SH3BP4: variants seen among roughly 807,000 people sequenced by gnomAD.
SH3BP4 encodes the protein SH3 domain-binding protein 4.
Under a neutral mutation model 65.5 loss-of-function variants are expected in SH3BP4, and 33 were observed. The ratio of observed to expected loss-of-function variants is 0.50; its 90% CI spans 0.38 to 0.67. SH3BP4 has a LOEUF of 0.67. SH3BP4 is among the 30% of genes least tolerant of loss of function. The probability of loss-of-function intolerance (pLI) is 0.00; values close to 1 mark genes in which losing one functional copy is unlikely to be tolerated. For missense variants in SH3BP4, 1,134 were observed against 1,261.4 expected, an observed-to-expected ratio of 0.90 and a Z score of 1.53; for synonymous variants, 552 against 545.5, an observed-to-expected ratio of 1.01 and a Z score of -0.17.
chr2:234,992,216 T>G lies in SH3BP4; in HGVS notation c.-206-3087T>G, dbSNP rs1164324636. ...TTGGGGCGAGGTGGCATCTGGAGTT[T>G]CCAGCGAAGATTTATTTTGTGCCTT... is the stretch of plus-strand genomic sequence containing the variant. On this transcript the variant is annotated intron_variant, in intron 1 of 5. Transcript: ENST00000392011. Among the ~76,000 whole-genome samples the G allele has an allele frequency of 3.9e-5, 6 of 152,236 alleles. No individual in the cohort carries two copies. The East Asian group carries it at 9.6e-4, about 24-fold the overall frequency.
rs1378269815 is a variant in SH3BP4, at chr2:235,003,483, T to C, written c.-133+8107T>C. ...TCATTCGAAGGATAGAGTGTCTGTTTACTGTTTTATCTGCTGAGAAGCAGA... is the reference window on the plus strand; with the variant it reads ...TCATTCGAAGGATAGAGTGTCTGTTCACTGTTTTATCTGCTGAGAAGCAGA... On this transcript the variant is annotated intron_variant, in intron 2 of 5. Transcript: ENST00000392011. Among the ~76,000 whole-genome samples the C allele has an allele frequency of 4.6e-5, 7 of 152,250 alleles. 1 individual carries two copies. Among genetic ancestry groups the C allele is most frequent in the African/African-American group, 7.2e-5 (3 of 41,464 alleles).
chr2:235,044,237 C>T (rs1465554981), intron 4 of SH3BP4, among the ~76,000 whole-genome samples: 2 of 152,202 alleles, frequency 1.3e-5, no homozygotes, highest in South Asian at 2.1e-4. Flanking sequence ...CCAGCACAAC[C>T]GTGAACTGGA....
rs1489247241 is a variant in SH3BP4, at chr2:235,048,497, A to T, written c.2479-4065A>T. 1.2e-4 allele frequency among the ~76,000 whole-genome samples: 17 copies of T among 142,552 alleles called. 1 individual carries two copies. In the South Asian group the frequency reaches 3.4e-3, roughly 28 times the overall value. The allele number at this position is 142,552 out of a possible 152,430, so 93.5% of individuals were successfully genotyped here. On this transcript the variant is annotated intron_variant, in intron 4 of 5. Transcript: ENST00000392011. ...AAGCAGGTGCCACCACACCCAGCTA[A>T]TTTTTTTTTTTTTTTGTCTGTAGTA... is the stretch of plus-strand genomic sequence containing the variant.
At chr2:235,037,789 C>T (rs1695433027) in intron 3 of SH3BP4, among the ~76,000 whole-genome samples, 1 of 152,206 alleles carries the variant, frequency 6.6e-6, no homozygotes, top group Non-Finnish European at 1.5e-5. Context: ...GCTTCTGTAT[C>T]CTCTGGCCTC....
chr2:234,983,302 CTA>C lies in SH3BP4; in HGVS notation c.-206-11998_-206-11997del, dbSNP rs781578509. On this transcript the variant is annotated intron_variant, in intron 1 of 5. Coordinates refer to ENST00000392011, the MANE Select transcript of SH3BP4 (RefSeq NM_014521.3). Reference sequence around the variant, plus strand: ...CCACCTGCATTGGCATATGGGTACTCTATAAATCATCCATCCATTCAAACATT... The same window carrying C: ...CCACCTGCATTGGCATATGGGTACTCTAAATCATCCATCCATTCAAACATT... 2.0e-5 allele frequency: 3 copies of C among 152,242 alleles called. No homozygotes were observed. In the East Asian group the frequency reaches 5.8e-4, roughly 29 times the overall value. The allele number at this position is 152,242 out of a possible 1,614,324, so 9.4% of individuals were successfully genotyped here. A position where few individuals can be genotyped will look rare whatever the true frequency, so the allele number is the denominator to read the frequency against.
In SH3BP4 at chr2:235,042,348, C is replaced by T; in HGVS notation, c.1579C>T (p.His527Tyr). 1.9e-6 allele frequency: 3 copies of T among 1,614,172 alleles called. No homozygotes were observed. The highest frequency in any genetic ancestry group is 2.5e-6 in the Non-Finnish European group (3 of 1,180,030). The change falls in exon 4 of 6, where the codon CAC becomes TAC. Residue 527 changes from histidine to tyrosine, a missense_variant. Transcript: ENST00000392011. The surrounding 1 kb of genome is among the most constrained non-coding windows in gnomAD (Gnocchi z 7.3). Reference sequence around the variant, plus strand: ...GGTGGCCCTGCAGCTGTGGGGGAAGCACCAGTTCGTTTTGTCCAGGCCCCA... The same window carrying T: ...GGTGGCCCTGCAGCTGTGGGGGAAGTACCAGTTCGTTTTGTCCAGGCCCCA... ...APVALQLWGK[H>Y]QFVLSRPQDL...
At chr2:235,002,719 C>T (rs1024393276) in intron 2 of SH3BP4, among the ~76,000 whole-genome samples, 2 of 152,216 alleles carry the variant, frequency 1.3e-5, no homozygotes, top group Non-Finnish European at 2.9e-5. Context: ...GAGCGAGACC[C>T]TGTCTCAAAA....
chr2:234,978,152 C>T lies in SH3BP4; in HGVS notation c.-206-17151C>T, dbSNP rs966257775. Among the ~76,000 whole-genome samples the T allele has an allele frequency of 1.3e-5, 2 of 151,936 alleles. No homozygotes were observed. Among genetic ancestry groups the T allele is most frequent in the Non-Finnish European group, 2.9e-5 (2 of 67,992 alleles). Reference sequence around the variant, plus strand: ...GTATTTTTTAGTAGAGAAGGGGTTTCACCATGTTGGCCAGGCTGGAATCGA... The same window carrying T: ...GTATTTTTTAGTAGAGAAGGGGTTTTACCATGTTGGCCAGGCTGGAATCGA... On this transcript the variant is annotated intron_variant, in intron 1 of 5. Coordinates refer to ENST00000392011, the MANE Select transcript of SH3BP4 (RefSeq NM_014521.3). The surrounding 1 kb of genome is among the most constrained non-coding windows in gnomAD (Gnocchi z 4.1).
intron 2 of SH3BP4, among the ~76,000 whole-genome samples, chr2:235,019,585 C>T (rs1034969872): frequency 5.9e-5 from 9 of 151,870 alleles, no homozygotes; most frequent in African/African-American, 2.2e-4. Flanking sequence ...TACAGGCATG[C>T]ACCACCACAC....
chr2:235,009,082 A>G (rs1694392902), intron 2 of SH3BP4, among the ~76,000 whole-genome samples: 2 of 152,224 alleles, frequency 1.3e-5, no homozygotes, highest in Non-Finnish European at 2.9e-5. Flanking sequence ...CTTAATGTTC[A>G]TCACTGACCC....
rs141439529 is a variant in SH3BP4, at chr2:234,966,048, C to T, written c.-207+13878C>T. 6.2e-3 allele frequency among the ~76,000 whole-genome samples: 943 copies of T among 152,256 alleles called. 9 individuals are homozygous for T. The highest frequency in any genetic ancestry group is 0.021 in the African/African-American group (890 of 41,542). ...CCTGCTCACTACACCTGACCCCTCCCGTTGTCTTTAAGGAAACAAAGTAAA... is the reference window on the plus strand; with the variant it reads ...CCTGCTCACTACACCTGACCCCTCCTGTTGTCTTTAAGGAAACAAAGTAAA... On this transcript the variant is annotated intron_variant, in intron 1 of 5. Transcript: ENST00000392011.
Position 235,054,727 on chromosome 2 carries a change from C to T in SH3BP4, c.*911C>T, listed in dbSNP as rs115108610. 3.9e-5 allele frequency: 6 copies of T among 152,326 alleles called. No homozygotes were observed. The highest frequency in any genetic ancestry group is 1.2e-4 in the African/African-American group (5 of 41,570). 9.4% of individuals were successfully genotyped at this position (152,326 alleles called of 1,614,324 possible). A position where few individuals can be genotyped will look rare whatever the true frequency, so the allele number is the denominator to read the frequency against. ...GCAGTGCTTCCCATAGAGTTTGCTG[C>T]CTCTTCTGTGGACAGGAAGAAAACT... On this transcript the variant is annotated 3_prime_UTR_variant, in exon 6 of 6. Coordinates refer to ENST00000392011, the MANE Select transcript of SH3BP4 (RefSeq NM_014521.3).
intron 4 of SH3BP4, among the ~76,000 whole-genome samples, chr2:235,048,322 A>G (rs1413648430): frequency 7.2e-5 from 11 of 152,110 alleles, no homozygotes; most frequent in African/African-American, 2.7e-4. Flanking sequence ...TGTACTTTAT[A>G]AGAGTATTTT....
At chr2:235,037,332 G>A (rs1574839772) in intron 3 of SH3BP4, among the ~76,000 whole-genome samples, 2 of 152,068 alleles carry the variant, frequency 1.3e-5, no homozygotes, top group South Asian at 4.1e-4. Flanking sequence ...TCTAGAAGGG[G>A]GAATCACACA....
intron 1 of SH3BP4, among the ~76,000 whole-genome samples, chr2:234,963,908 A>C (rs941880196): frequency 1.3e-5 from 2 of 152,028 alleles, no homozygotes; most frequent in African/African-American, 4.8e-5. Flanking sequence ...CTAAGGGGAG[A>C]GTTTGTCATG....
intron 2 of SH3BP4, among the ~76,000 whole-genome samples, chr2:235,023,556 G>A (rs1694907004): frequency 6.6e-6 from 1 of 151,910 alleles, no homozygotes; most frequent in South Asian, 2.1e-4. Context: ...CGGGCGGTGG[G>A]GTGGGGGGTG....
At chr2:234,989,655 A>G (rs1488777577) in intron 1 of SH3BP4, among the ~76,000 whole-genome samples, 3 of 152,226 alleles carry the variant, frequency 2.0e-5, no homozygotes, top group Admixed American at 6.5e-5. Context: ...CAGAAGAGCT[A>G]TTGATAAACT....
At position 235,042,053 on chromosome 2, in the gene SH3BP4, C is replaced by T. The variant is rs745997590; in HGVS notation, c.1284C>T (p.Val428=). The T allele has an allele frequency of 1.2e-6, 2 of 1,613,988 alleles. No individual in the cohort carries two copies. Among genetic ancestry groups the T allele is most frequent in the South Asian group, 1.1e-5 (1 of 91,088 alleles). ...CGAAGGAAGGGCCATATGTCTCCGT[C>T]CCGCTCAACTGCAGCTGTGGGGACA... is the stretch of plus-strand genomic sequence containing the variant. The part of the protein sequence containing the change: ...SDSKEGPYVS[V]PLNCSCGDTV... Residue 428 remains valine, a synonymous_variant, in exon 4 of 6, where the codon GTC becomes GTT. Coordinates refer to ENST00000392011, the MANE Select transcript of SH3BP4 (RefSeq NM_014521.3). This position sits in a 1 kb window ranked among gnomAD's most constrained non-coding sequence, Gnocchi z 7.3.
chr2:234,956,228 G>A (rs1266577396), intron 1 of SH3BP4, among the ~76,000 whole-genome samples: 1 of 152,188 alleles, frequency 6.6e-6, no homozygotes, highest in Non-Finnish European at 1.5e-5. Context: ...TTGAAGTTGG[G>A]ATAACCCAGG....
Sources: allele counts gnomAD v4.1 joint callset (sites outside exome capture counted in the v4.1 genomes callset), GRCh38; gene constraint gnomAD v4.1.1; non-coding constraint Gnocchi (gnomAD v3.1); transcripts MANE v1.5; gene names NCBI Gene and HGNC (gene_info 2026-07-23, HGNC 2026-07-21).